Variants in CSMD1 observed in about 807,000 individuals in gnomAD.
CSMD1 encodes CUB and sushi domain-containing protein 1.
Under a neutral mutation model 417.5 loss-of-function variants are expected in CSMD1, and 213 were observed. The ratio of observed to expected loss-of-function variants is 0.51; its 90% CI spans 0.46 to 0.57. CSMD1 has a LOEUF of 0.57. Ranked by LOEUF, CSMD1 falls within the 20% of genes least tolerant of loss-of-function variation. The pLI is 0.00. For synonymous variants in CSMD1, 2,862 were observed against 1,736.8 expected (o/e 1.65, Z -16.11); for missense variants, 6,923 against 4,529.7 (o/e 1.53, Z -15.17).
Position 3,944,853 on chromosome 8 carries a change from C to G in CSMD1, c.818+53050G>C, listed in dbSNP as rs77370034. On this transcript the variant is annotated intron_variant, in intron 5 of 69. Coordinates refer to ENST00000635120, the MANE Select transcript of CSMD1 (RefSeq NM_033225.6). Reference sequence around the variant, plus strand: ...ATTAGAGCTAGTTCTATGAGTTGGCCACAGCTCTGACAGTTGATTCTGGGT... The same window carrying G: ...ATTAGAGCTAGTTCTATGAGTTGGCGACAGCTCTGACAGTTGATTCTGGGT... Among the ~76,000 whole-genome samples, 483 of 152,266 alleles carry G rather than the reference C, an allele frequency of 3.2e-3. 1 individual carries two copies. The highest frequency in any genetic ancestry group is 8.3e-3 in the African/African-American group (347 of 41,572).
intron 22 of CSMD1, among the ~76,000 whole-genome samples, chr8:3,347,087 C>G (rs1253407806): frequency 1.3e-5 from 2 of 152,226 alleles, no homozygotes; most frequent in Non-Finnish European, 2.9e-5. Flanking sequence ...TTAAAAAAAT[C>G]ACAGAACATC....
chr8:3,804,932 G>C (rs1800644837), intron 5 of CSMD1, among the ~76,000 whole-genome samples: 1 of 152,192 alleles, frequency 6.6e-6, no homozygotes, highest in South Asian at 2.1e-4. Flanking sequence ...TAGTAGCACA[G>C]TAATGAATGA....
intron 33 of CSMD1, among the ~76,000 whole-genome samples, chr8:3,190,481 T>C (rs35459361): frequency 0.17 from 25,422 of 152,176 alleles, 2,285 homozygotes; most frequent in Middle Eastern, 0.22. Context: ...ATCATCCTGC[T>C]AGTGATAATG....
rs1319620351 is a variant in CSMD1, at chr8:4,834,190, T to G, written c.85+160142A>C. On this transcript the variant is annotated intron_variant, in intron 1 of 69. Transcript: ENST00000635120. ...ATGTGTTATGTCAGGTTTAAATCTG[T>G]AATTTTAGAAGACAATACATATTTG... Among the ~76,000 whole-genome samples, 3 of 152,292 alleles carry G rather than the reference T, an allele frequency of 2.0e-5. No homozygotes were observed. The East Asian group carries it at 5.8e-4, about 29-fold the overall frequency.
intron 3 of CSMD1, among the ~76,000 whole-genome samples, chr8:4,318,023 T>C (rs540873416): frequency 5.5e-4 from 84 of 152,266 alleles, no homozygotes; most frequent in Admixed American, 1.2e-3. Context: ...CCAGGAGTAA[T>C]TCTATTAGCA....
chr8:4,108,771 T>G (rs1663319413), intron 3 of CSMD1, among the ~76,000 whole-genome samples: 1 of 151,660 alleles, frequency 6.6e-6, no homozygotes. Context: ...CTCATTAAGA[T>G]CTGAAATATC....
intron 5 of CSMD1, among the ~76,000 whole-genome samples, chr8:3,870,166 G>A (rs185024538): frequency 3.3e-4 from 50 of 152,178 alleles, no homozygotes; most frequent in Non-Finnish European, 5.6e-4. Flanking sequence ...TTTGAATCTT[G>A]GTTAAAGAGG....
chr8:3,606,754 A>T (rs924842199), intron 8 of CSMD1, among the ~76,000 whole-genome samples: 10 of 149,454 alleles, frequency 6.7e-5, no homozygotes, highest in African/African-American at 2.5e-4. Context: ...CTGGGTCCCC[A>T]GGCTGGGGTA....
chr8:4,518,354 T>C lies in CSMD1; in HGVS notation c.303-98289A>G, dbSNP rs181069954. ...TAAAAGATTCTTCTCATAAGACAAT[T>C]TGTGATTCCTTAAAAATATGAGGAC... On this transcript the variant is annotated intron_variant, in intron 2 of 69. Transcript: ENST00000635120. Among the ~76,000 whole-genome samples, 48 of 152,218 alleles carry C rather than the reference T, an allele frequency of 3.2e-4. No homozygotes were observed. The East Asian group carries it at 8.1e-3, about 26-fold the overall frequency.
chr8:2,996,641 C>A (rs868861897), intron 54 of CSMD1, among the ~76,000 whole-genome samples: 1 of 152,210 alleles, frequency 6.6e-6, no homozygotes, highest in African/African-American at 2.4e-5. Context: ...CCTAAAACAC[C>A]ACTGCACAGT....
At chr8:2,953,903 T>TAA (rs1802819831) in intron 65 of CSMD1, among the ~76,000 whole-genome samples, 1 of 152,232 alleles carries the variant, frequency 6.6e-6, no homozygotes, top group South Asian at 2.1e-4. Context: ...ACCCTCTTTA[T>TAA]AAGGCTCTCC....
intron 3 of CSMD1, among the ~76,000 whole-genome samples, chr8:4,379,694 G>A (rs912017979): frequency 1.8e-3 from 102 of 57,264 alleles, no homozygotes; most frequent in Middle Eastern, 8.3e-3. Context: ...GGGCAATGAA[G>A]CAACAATGGC....
At chr8:3,143,614 G>C (rs947125896) in intron 40 of CSMD1, among the ~76,000 whole-genome samples, 2 of 152,124 alleles carry the variant, frequency 1.3e-5, no homozygotes, top group Non-Finnish European at 2.9e-5. Context: ...AAAGACATTA[G>C]TCTTTGCATA....
chr8:3,488,151 G>A (rs1176293470), intron 11 of CSMD1, among the ~76,000 whole-genome samples: 1 of 151,470 alleles, frequency 6.6e-6, no homozygotes, highest in Non-Finnish European at 1.5e-5. Flanking sequence ...TGCTCAGGCT[G>A]GAGTGCAGTG....
intron 49 of CSMD1, among the ~76,000 whole-genome samples, chr8:3,058,655 T>C (rs890414150): frequency 2.0e-5 from 3 of 152,102 alleles, no homozygotes; most frequent in Non-Finnish European, 2.9e-5. Context: ...GCCATGCTGA[T>C]GGCACTAATA....
chr8:4,545,864 T>A (rs1007350935), intron 2 of CSMD1, among the ~76,000 whole-genome samples: 1 of 152,162 alleles, frequency 6.6e-6, no homozygotes, highest in African/African-American at 2.4e-5. Flanking sequence ...TTTCATCAGG[T>A]GTCCTCTATC....
chr8:3,707,470 A>T (rs1360067461), intron 7 of CSMD1, among the ~76,000 whole-genome samples: 1 of 152,194 alleles, frequency 6.6e-6, no homozygotes, highest in Non-Finnish European at 1.5e-5. Flanking sequence ...TAGAAAACAC[A>T]ACCCAATGGG....
At chr8:4,760,647 G>A (rs1811979322) in intron 1 of CSMD1, among the ~76,000 whole-genome samples, 2 of 152,036 alleles carry the variant, frequency 1.3e-5, no homozygotes, top group Admixed American at 1.3e-4. Context: ...TAAGTATGCT[G>A]GTATCATGAG....
intron 6 of CSMD1, among the ~76,000 whole-genome samples, chr8:3,728,965 T>G (rs991696602): frequency 3.3e-5 from 5 of 152,174 alleles, no homozygotes; most frequent in Non-Finnish European, 5.9e-5. Flanking sequence ...CGTTCGAATA[T>G]CTGCAGGGCT....
Sources: allele counts gnomAD v4.1 joint callset (sites outside exome capture counted in the v4.1 genomes callset), GRCh38; gene constraint gnomAD v4.1.1; transcripts MANE v1.5; gene names NCBI Gene and HGNC (gene_info 2026-07-23, HGNC 2026-07-21).